The following CSRP1 variants were observed in gnomAD, a reference collection of about 807,000 sequenced individuals.
CSRP1 encodes cysteine and glycine-rich protein 1.
CSRP1 carries 16 observed loss-of-function variants against 25.4 expected under a neutral mutation model. The observed-to-expected ratio is 0.63, with a 90% CI of 0.43 to 0.96. CSRP1 has a LOEUF of 0.96. CSRP1 is among the 40% of genes least tolerant of loss of function. The pLI, the probability that CSRP1 is intolerant of heterozygous loss-of-function variation, is 0.00. For missense variants in CSRP1, 212 were observed against 243.6 expected, an observed-to-expected ratio of 0.87 and a Z score of 0.86; for synonymous variants, 97 against 95.3, an observed-to-expected ratio of 1.02 and a Z score of -0.10.
At chr1:201,502,013 A>AAATAAAT (rs1202557773) in intron 1 of CSRP1, among the ~76,000 whole-genome samples, 1 of 151,596 alleles carries the variant, frequency 6.6e-6, no homozygotes, top group Non-Finnish European at 1.5e-5. Context: ...ATAAATAAAT[A>AAATAAAT]AATAAATAAA....
intron 1 of CSRP1, among the ~76,000 whole-genome samples, chr1:201,505,467 A>G (rs1216729288): frequency 4.6e-5 from 7 of 150,986 alleles, no homozygotes; most frequent in African/African-American, 7.3e-5. Flanking sequence ...TAGCAGGCCA[A>G]TTGCAGAGTT....
At position 201,490,359 on chromosome 1, in the gene CSRP1, G is replaced by C. The variant is rs1224360179; in HGVS notation, c.113-15C>G. On this transcript the variant is annotated splice_polypyrimidine_tract_variant and intron_variant, in intron 2 of 5. Coordinates refer to ENST00000340006, the MANE Select transcript of CSRP1 (RefSeq NM_004078.3). ...CTTGCAGACCACTGTGGAGGGGAAG[G>C]GGAAGCGGACGCATTGAGTTGAAGC... 6.2e-7 allele frequency: 1 copy of C among 1,611,978 alleles called. No individual in the cohort carries two copies. Among genetic ancestry groups the C allele is most frequent in the East Asian group, 2.2e-5 (1 of 44,806 alleles).
intron 1 of CSRP1, among the ~76,000 whole-genome samples, chr1:201,499,055 G>A (rs540118120): frequency 7.2e-5 from 11 of 152,242 alleles, no homozygotes; most frequent in South Asian, 6.2e-4. Context: ...TAACCCATGC[G>A]GCCTGAGCCC....
chr1:201,504,577 A>T (rs1664762806), intron 1 of CSRP1, among the ~76,000 whole-genome samples: 1 of 151,858 alleles, frequency 6.6e-6, no homozygotes, highest in South Asian at 2.1e-4. Flanking sequence ...CTAGGCTTAC[A>T]TACATATTTA....
At chr1:201,490,920 C>T (rs1664320437) in intron 2 of CSRP1, 1 of 152,384 alleles carries the variant, frequency 6.6e-6, no homozygotes, top group Admixed American at 6.5e-5. Context: ...TGGGATGCAG[C>T]TCATGCTAAT....
At chr1:201,485,161 C>G (rs1011203433) in intron 5 of CSRP1, 122 bp downstream of exon 5, 7 of 857,626 alleles carry the variant, frequency 8.2e-6, no homozygotes, top group Non-Finnish European at 1.4e-5. Context: ...AGGAATCATA[C>G]TAGATGTTCA....
At position 201,484,101 on chromosome 1, in the gene CSRP1, T is replaced by C. The variant is rs1172207205; in HGVS notation, c.*612A>G. 4 of 671,726 alleles carry C rather than the reference T, an allele frequency of 6.0e-6. No individual in the cohort carries two copies. The highest frequency in any genetic ancestry group is 5.3e-5 in the African/African-American group (3 of 56,748). 41.6% of individuals were successfully genotyped at this position (671,726 alleles called of 1,614,324 possible). On this transcript the variant is annotated 3_prime_UTR_variant, in exon 6 of 6. Coordinates refer to ENST00000340006, the MANE Select transcript of CSRP1 (RefSeq NM_004078.3). ...TCTCCTCCCAGTCCTAGTGGGAGGC[T>C]ATCCATTCCACAAAGACTCAAAGGC...
chr1:201,489,132 T>C, intron 3 of CSRP1, 148 bp from the exon 4 acceptor site: 1 of 916,244 alleles, frequency 1.1e-6, no homozygotes, highest in Non-Finnish European at 1.6e-6. Flanking sequence ...GCCTCTAGGG[T>C]CATCTCCCAT....
At chr1:201,505,204 T>G (rs1422714130) in intron 1 of CSRP1, among the ~76,000 whole-genome samples, 1 of 152,154 alleles carries the variant, frequency 6.6e-6, no homozygotes, top group Non-Finnish European at 1.5e-5. Flanking sequence ...ATTTGCAAGG[T>G]TTATGAGTAT....
intron 2 of CSRP1, among the ~76,000 whole-genome samples, chr1:201,493,422 T>G (rs912384844): frequency 2.0e-5 from 3 of 152,238 alleles, no homozygotes; most frequent in African/African-American, 4.8e-5. Flanking sequence ...GAAAAAGTCT[T>G]ACAAGATCTG....
Position 201,484,631 on chromosome 1 carries a change from C to T in CSRP1, c.*82G>A, listed in dbSNP as rs999406636. 4.6e-5 allele frequency: 59 copies of T among 1,269,022 alleles called. No homozygotes were observed. Among genetic ancestry groups the T allele is most frequent in the Non-Finnish European group, 6.5e-5 (58 of 892,014 alleles). 78.6% of individuals were successfully genotyped at this position (1,269,022 alleles called of 1,614,324 possible). ...GTGGCAGGGCTGACAGAGAAATAAT[C>T]CTGGAGGTCTCCAAAGCTGCTGGGA... On this transcript the variant is annotated 3_prime_UTR_variant, in exon 6 of 6. Coordinates refer to ENST00000340006, the MANE Select transcript of CSRP1 (RefSeq NM_004078.3).
Position 201,483,967 on chromosome 1 carries a change from C to A in CSRP1, c.*746G>T. 1.5e-6 allele frequency: 1 copy of A among 687,200 alleles called. No individual in the cohort carries two copies. Among genetic ancestry groups the A allele is most frequent in the Admixed American group, 2.0e-5 (1 of 49,800 alleles). 42.6% of individuals were successfully genotyped at this position (687,200 alleles called of 1,614,324 possible). On this transcript the variant is annotated 3_prime_UTR_variant, in exon 6 of 6. Transcript: ENST00000340006. ...GAAGATTTGAGCCATTGATAAATGC[C>A]AATATATGTTTCAGGTATTTCATTA...
chr1:201,489,209 T>C (rs2102405303), intron 3 of CSRP1: 2 of 453,722 alleles, frequency 4.4e-6, no homozygotes, highest in East Asian at 8.1e-5. Context: ...CTTCCCTCGG[T>C]CACCCAGTTA....
At chr1:201,486,371 G>A (rs1664143517) in intron 4 of CSRP1, 1 of 985,388 alleles carries the variant, frequency 1.0e-6, no homozygotes, top group Non-Finnish European at 1.2e-6. Context: ...CAAGAGGCAG[G>A]CAGCAGTCAG....
intron 4 of CSRP1, chr1:201,488,386 G>A (rs114903419): frequency 0.015 from 2,256 of 153,076 alleles, 55 homozygotes; most frequent in African/African-American, 0.051. Context: ...TGCCCTGGGG[G>A]TATTTGGATG....
In CSRP1 at chr1:201,485,222, C is replaced by T. The variant is rs775060197; in HGVS notation, c.505+61G>A. 4.5e-4 allele frequency: 658 copies of T among 1,470,060 alleles called. No homozygotes were observed. The highest frequency in any genetic ancestry group is 5.8e-4 in the Non-Finnish European group (608 of 1,049,424). The allele number at this position is 1,470,060 out of a possible 1,614,324, so 91.1% of individuals were successfully genotyped here. A position where few individuals can be genotyped will look rare whatever the true frequency, so the allele number is the denominator to read the frequency against. ...TAGTTTACATTCAGCAAAGGCAAAA[C>T]TACTTAGCCCCCCTACCCCCTTGGG... On this transcript the variant is annotated intron_variant, in intron 5 of 5. Transcript: ENST00000340006.
chr1:201,503,331 G>A (rs555273309), intron 1 of CSRP1, among the ~76,000 whole-genome samples: 1 of 152,254 alleles, frequency 6.6e-6, no homozygotes, highest in East Asian at 1.9e-4. Flanking sequence ...GAACAAAATG[G>A]TCTGAATGAT....
rs544472719 is a variant in CSRP1, at chr1:201,489,055, A to T, written c.282-71T>A. 1.7e-5 allele frequency: 27 copies of T among 1,589,326 alleles called. No homozygotes were observed. In the Admixed American group the frequency reaches 3.7e-4, roughly 22 times the overall value. ...CAGGTGGGGCTGGCACTGAGAGGGC[A>T]TGACCCTACCTTCATCTCATGCCAG... On this transcript the variant is annotated intron_variant, in intron 3 of 5. Transcript: ENST00000340006.
intron 4 of CSRP1, chr1:201,487,058 C>T: frequency 9.0e-7 from 1 of 1,110,276 alleles, no homozygotes; most frequent in Non-Finnish European, 1.2e-6. Context: ...CAAAACTGTA[C>T]TGAGGACATA....
Sources: allele counts gnomAD v4.1 joint callset (sites outside exome capture counted in the v4.1 genomes callset), GRCh38; gene constraint gnomAD v4.1.1; transcripts MANE v1.5; gene names NCBI Gene and HGNC (gene_info 2026-07-23, HGNC 2026-07-21).